Variants in HUNK observed in about 807,000 individuals in gnomAD.
The protein encoded by HUNK is hormonally up-regulated Neu-associated kinase.
A neutral mutation model predicts 61.0 loss-of-function variants in HUNK; 21 were observed. The ratio of observed to expected loss-of-function variants is 0.34; its 90% CI spans 0.24 to 0.50. HUNK has a LOEUF of 0.50. Ranked by LOEUF, HUNK falls within the 20% of genes least tolerant of loss-of-function variation. The pLI is 0.98. For missense variants in HUNK, 772 were observed against 945.7 expected, an observed-to-expected ratio of 0.82 and a Z score of 2.41; for synonymous variants, 371 against 386.1, an observed-to-expected ratio of 0.96 and a Z score of 0.46.
At chr21:31,989,601 C>T (rs1186887269) in intron 8 of HUNK, among the ~76,000 whole-genome samples, 2 of 151,228 alleles carry the variant, frequency 1.3e-5, no homozygotes, top group Non-Finnish European at 2.9e-5. Flanking sequence ...GTAATCCCAG[C>T]TACTCAGGTG....
chr21:31,919,544 G>A (rs1021886785), intron 1 of HUNK, among the ~76,000 whole-genome samples: 2 of 152,198 alleles, frequency 1.3e-5, no homozygotes, highest in African/African-American at 4.8e-5. Flanking sequence ...AGCCACCTGG[G>A]CTGTCCTTTC....
chr21:31,908,508 G>C (rs554919168), intron 1 of HUNK, among the ~76,000 whole-genome samples: 4 of 152,164 alleles, frequency 2.6e-5, no homozygotes, highest in South Asian at 4.2e-4. Context: ...GGGATGAACC[G>C]GTCGGGCAAC....
intron 1 of HUNK, among the ~76,000 whole-genome samples, chr21:31,914,744 CAGAG>C (rs1223628037): frequency 3.3e-5 from 5 of 152,264 alleles, no homozygotes; most frequent in African/African-American, 1.2e-4. Flanking sequence ...GGCTCAGAGA[CAGAG>C]AGAGTTCTGG....
At chr21:31,968,737 TG>T (rs1459590839) in intron 6 of HUNK, among the ~76,000 whole-genome samples, 1 of 145,916 alleles carries the variant, frequency 6.9e-6, no homozygotes, top group Non-Finnish European at 1.5e-5. Flanking sequence ...TGTGTGTGTG[TG>T]TGTGTGTGTG....
At chr21:31,874,120 C>A (rs979765830) in intron 1 of HUNK, among the ~76,000 whole-genome samples, 185 bp downstream of exon 1, 2 of 151,648 alleles carry the variant, frequency 1.3e-5, no homozygotes, top group African/African-American at 2.4e-5. Context: ...CCGAAGGCGG[C>A]CTGCGGTCCG....
chr21:31,961,917 C>A (rs2052931727), intron 5 of HUNK, among the ~76,000 whole-genome samples: 1 of 152,204 alleles, frequency 6.6e-6, no homozygotes. Flanking sequence ...GCTGCAGTAA[C>A]AATCAGCCCC....
chr21:31,998,600 A>T lies in HUNK; in HGVS notation c.1561A>T (p.Ile521Phe). Reference sequence around the variant, plus strand: ...TGTGGCTTCTTCTTCCATGGAGTTCATCCCCGTGCCACCGCCCAGGACCCC... The same window carrying T: ...TGTGGCTTCTTCTTCCATGGAGTTCTTCCCCGTGCCACCGCCCAGGACCCC... ...NCVASSSMEF[I>F]PVPPPRTPRI... The change falls in exon 11 of 11, where the codon ATC (isoleucine) becomes TTC (phenylalanine). Residue 521 changes from isoleucine (I) to phenylalanine (F), a missense_variant. This residue lies in a region of HUNK where 413 missense variants were observed against 444.4 expected (regional missense o/e 0.93). Coordinates refer to ENST00000270112, the MANE Select transcript of HUNK (RefSeq NM_014586.2). 2 of 1,613,814 alleles carry T rather than the reference A, an allele frequency of 1.2e-6. No individual in the cohort carries two copies. Among genetic ancestry groups the T allele is most frequent in the Non-Finnish European group, 1.7e-6 (2 of 1,179,908 alleles).
intron 6 of HUNK, among the ~76,000 whole-genome samples, chr21:31,971,465 AT>A (rs1324430852): frequency 2.0e-5 from 3 of 152,092 alleles, no homozygotes; most frequent in Admixed American, 1.3e-4. Context: ...AAAAAAATGT[AT>A]TTTTTATATT....
Position 31,998,863 on chromosome 21 carries a change from G to A in HUNK, c.1824G>A (p.Met608Ile). Residue 608 changes from methionine to isoleucine, a missense_variant, in exon 11 of 11, where the codon ATG becomes ATA. Met to Ile is a conservative substitution (Grantham distance 10). Transcript: ENST00000270112. The part of the protein sequence containing the change: ...TLSPGLPSGS[M>I]SPLHTPLHPT... ...CCCCGGGTCTGCCATCCGGAAGCATGTCGCCTCTCCATACTCCTTTGCATC... is the reference window on the plus strand; with the variant it reads ...CCCCGGGTCTGCCATCCGGAAGCATATCGCCTCTCCATACTCCTTTGCATC... 1 of 1,614,194 alleles carries A rather than the reference G, an allele frequency of 6.2e-7. No individual in the cohort carries two copies. The highest frequency in any genetic ancestry group is 1.7e-5 in the Admixed American group (1 of 60,024).
intron 5 of HUNK, among the ~76,000 whole-genome samples, chr21:31,964,734 C>T (rs1014312685): frequency 2.6e-5 from 4 of 152,274 alleles, no homozygotes; most frequent in Admixed American, 6.5e-5. Context: ...ATGTCTGTGA[C>T]GTCCAAAGGA....
At chr21:31,968,719 T>A (rs879309556) in intron 6 of HUNK, among the ~76,000 whole-genome samples, 32,723 of 97,568 alleles carry the variant, frequency 0.34, 3,913 homozygotes, top group South Asian at 0.49. Flanking sequence ...GGCCCGAGTG[T>A]GTGTGTGTGT....
intron 1 of HUNK, among the ~76,000 whole-genome samples, chr21:31,878,755 G>C (rs947003741): frequency 3.9e-5 from 6 of 152,210 alleles, no homozygotes; most frequent in African/African-American, 1.4e-4. Flanking sequence ...AAAAAATATA[G>C]TTGGAAAAGC....
chr21:31,977,172 C>A (rs1488659325), intron 7 of HUNK, among the ~76,000 whole-genome samples: 1 of 152,098 alleles, frequency 6.6e-6, no homozygotes, highest in Non-Finnish European at 1.5e-5. Flanking sequence ...TATATTCGTA[C>A]AATGTTACAT....
intron 6 of HUNK, among the ~76,000 whole-genome samples, chr21:31,970,177 C>G (rs1488171890): frequency 2.6e-5 from 4 of 152,152 alleles, no homozygotes; most frequent in African/African-American, 9.7e-5. Context: ...CCCACCAAGC[C>G]TTATGAAAGC....
chr21:31,950,178 C>T (rs986127052), intron 4 of HUNK, among the ~76,000 whole-genome samples: 1 of 152,070 alleles, frequency 6.6e-6, no homozygotes, highest in Non-Finnish European at 1.5e-5. Flanking sequence ...GTGGTAATGG[C>T]TGTGGAGGAA....
At chr21:31,940,888 CCT>C (rs1385155217) in intron 3 of HUNK, among the ~76,000 whole-genome samples, 1 of 152,110 alleles carries the variant, frequency 6.6e-6, no homozygotes, top group African/African-American at 2.4e-5. Context: ...CTTTTATTCC[CCT>C]CTTTTCTTTT....
At chr21:31,995,398 T>C (rs539914223) in intron 9 of HUNK, among the ~76,000 whole-genome samples, 7 of 152,350 alleles carry the variant, frequency 4.6e-5, no homozygotes, top group African/African-American at 1.7e-4. Context: ...AAAGCCGTTA[T>C]TGCAGGCACA....
At chr21:31,931,118 C>T (rs2052693757) in intron 2 of HUNK, among the ~76,000 whole-genome samples, 1 of 147,174 alleles carries the variant, frequency 6.8e-6, no homozygotes, top group South Asian at 2.2e-4. Flanking sequence ...ATGCCTGTTG[C>T]CTTGGGGAGT....
At chr21:31,961,139 C>T (rs1473605266) in intron 5 of HUNK, among the ~76,000 whole-genome samples, 1 of 152,158 alleles carries the variant, frequency 6.6e-6, no homozygotes, top group African/African-American at 2.4e-5. Flanking sequence ...AGCCACTACC[C>T]TGTATCATCT....
Sources: allele counts gnomAD v4.1 joint callset (sites outside exome capture counted in the v4.1 genomes callset), GRCh38; gene constraint gnomAD v4.1.1; regional missense constraint gnomAD v4.1.1; transcripts MANE v1.5; gene names NCBI Gene and HGNC (gene_info 2026-07-23, HGNC 2026-07-21).